The following NKAIN3 variants were observed in gnomAD, a reference collection of about 807,000 sequenced individuals.
NKAIN3 encodes sodium/potassium-transporting ATPase subunit beta-1-interacting protein 3.
In NKAIN3, 25 loss-of-function variants were observed where a neutral mutation model predicts 30.2. That is an observed-to-expected ratio of 0.83 (90% CI 0.60 to 1.16). NKAIN3 has a LOEUF of 1.16. NKAIN3 is among the 50% of genes most tolerant of loss of function. NKAIN3 has a pLI of 0.00. For missense variants in NKAIN3, 225 were observed against 254.1 expected, an observed-to-expected ratio of 0.89 and a Z score of 0.78; for synonymous variants, 91 against 89.6, an observed-to-expected ratio of 1.02 and a Z score of -0.09.
chr8:62,720,074 C>A (rs567634085), intron 3 of NKAIN3, among the ~76,000 whole-genome samples: 2 of 151,526 alleles, frequency 1.3e-5, no homozygotes, highest in East Asian at 3.9e-4. Context: ...CTATCAGATG[C>A]AAGAATTATC....
intron 3 of NKAIN3, among the ~76,000 whole-genome samples, chr8:62,590,997 A>T (rs984647695): frequency 3.9e-5 from 6 of 152,002 alleles, no homozygotes; most frequent in Non-Finnish European, 8.8e-5. Flanking sequence ...AAGTAATTAA[A>T]TTAATGTCTA....
intron 1 of NKAIN3, among the ~76,000 whole-genome samples, chr8:62,374,113 CAAAAAAAAAA>C (rs66521184): frequency 3.1e-5 from 2 of 64,332 alleles, no homozygotes; most frequent in Non-Finnish European, 5.9e-5. Context: ...ACTCCATCTC[CAAAAAAAAAA>C]AAAAAAAAAA....
At chr8:62,741,535 T>C (rs966913113) in intron 3 of NKAIN3, among the ~76,000 whole-genome samples, 4 of 152,228 alleles carry the variant, frequency 2.6e-5, no homozygotes, top group African/African-American at 7.2e-5. Context: ...ATCACCAGAG[T>C]TGAAGAGTCG....
intron 3 of NKAIN3, among the ~76,000 whole-genome samples, chr8:62,674,225 G>A (rs963066481): frequency 3.3e-5 from 5 of 152,100 alleles, no homozygotes; most frequent in Non-Finnish European, 5.9e-5. Flanking sequence ...CAAATAAGTC[G>A]GACTCTTGTG....
intron 1 of NKAIN3, among the ~76,000 whole-genome samples, chr8:62,319,614 T>G (rs1469487909): frequency 1.3e-5 from 2 of 152,232 alleles, no homozygotes; most frequent in Non-Finnish European, 2.9e-5. Context: ...AGGAGCAGGT[T>G]GTTCAGTTTC....
intron 4 of NKAIN3, among the ~76,000 whole-genome samples, chr8:62,897,131 A>G (rs961134816): frequency 2.0e-5 from 3 of 152,190 alleles, no homozygotes; most frequent in African/African-American, 7.2e-5. Context: ...AAGATAATGA[A>G]GGAACACTGC....
At chr8:62,425,513 A>G (rs1037320407) in intron 1 of NKAIN3, among the ~76,000 whole-genome samples, 10 of 151,926 alleles carry the variant, frequency 6.6e-5, no homozygotes, top group Non-Finnish European at 1.2e-4. Flanking sequence ...TTTTGCAAGT[A>G]TGAATAAATA....
At chr8:62,558,403 T>C (rs2129966993) in intron 1 of NKAIN3, among the ~76,000 whole-genome samples, 1 of 152,254 alleles carries the variant, frequency 6.6e-6, no homozygotes, top group Middle Eastern at 3.4e-3. Context: ...TCTTTTTTGG[T>C]TCCATATGAA....
At chr8:62,353,795 T>A (rs1171741968) in intron 1 of NKAIN3, among the ~76,000 whole-genome samples, 2 of 152,332 alleles carry the variant, frequency 1.3e-5, no homozygotes, top group East Asian at 3.9e-4. Flanking sequence ...ATAACTTTTT[T>A]GTGACTAATA....
chr8:62,776,436 G>T (rs1458493378), intron 4 of NKAIN3, among the ~76,000 whole-genome samples: 3 of 151,896 alleles, frequency 2.0e-5, no homozygotes, highest in African/African-American at 7.3e-5. Context: ...TAGTTTGTGT[G>T]CATTTCTATT....
chr8:62,410,290 A>T (rs1051652070), intron 1 of NKAIN3, among the ~76,000 whole-genome samples: 1 of 152,122 alleles, frequency 6.6e-6, no homozygotes, highest in Non-Finnish European at 1.5e-5. Context: ...GACATGATTT[A>T]TTATTTTTTT....
chr8:62,619,083 T>C lies in NKAIN3; in HGVS notation c.273+29289T>C, dbSNP rs532427005. 2.0e-3 allele frequency among the ~76,000 whole-genome samples: 307 copies of C among 152,264 alleles called. 3 individuals carry two copies. Among genetic ancestry groups the C allele is most frequent in the African/African-American group, 7.0e-3 (291 of 41,556 alleles). On this transcript the variant is annotated intron_variant, in intron 3 of 6. Coordinates refer to ENST00000623646, the MANE Select transcript of NKAIN3 (RefSeq NM_001304533.3). ...CCAACTTGGAGAAATCGGATCCTAA[T>C]GTAACCAGTGCAGTGTAACAGGTGA...
chr8:62,543,211 G>A (rs569349936), intron 1 of NKAIN3, among the ~76,000 whole-genome samples: 8 of 152,238 alleles, frequency 5.3e-5, no homozygotes, highest in African/African-American at 1.7e-4. Flanking sequence ...TGGTGTTGCT[G>A]CCTCAGAGTT....
chr8:62,723,098 C>T (rs1191925525), intron 3 of NKAIN3, among the ~76,000 whole-genome samples: 10 of 152,108 alleles, frequency 6.6e-5, no homozygotes, highest in Non-Finnish European at 1.3e-4. Context: ...AACCAATCAG[C>T]TGCCGCATCC....
intron 1 of NKAIN3, among the ~76,000 whole-genome samples, chr8:62,495,649 C>A (rs1296156944): frequency 2.0e-5 from 3 of 151,518 alleles, no homozygotes; most frequent in Admixed American, 6.6e-5. Context: ...ACAGAATAAA[C>A]CTAGAGTATA....
At chr8:62,256,348 G>A (rs529074000) in intron 1 of NKAIN3, among the ~76,000 whole-genome samples, 224 of 152,276 alleles carry the variant, frequency 1.5e-3, no homozygotes, top group African/African-American at 5.2e-3. Flanking sequence ...GAACTCAGGA[G>A]GTGAAGGCTG....
chr8:62,433,213 A>G (rs1416233279), intron 1 of NKAIN3, among the ~76,000 whole-genome samples: 1 of 152,164 alleles, frequency 6.6e-6, no homozygotes, highest in Non-Finnish European at 1.5e-5. Context: ...CTAAATTCCA[A>G]ATCTCAGGTT....
At position 62,965,755 on chromosome 8, in the gene NKAIN3, T is replaced by A; in HGVS notation, c.*348T>A. On this transcript the variant is annotated 3_prime_UTR_variant, in exon 7 of 7. Coordinates refer to ENST00000623646, the MANE Select transcript of NKAIN3 (RefSeq NM_001304533.3). The stretch of plus-strand genomic sequence containing the variant: ...TTCTAAGAGAAATCTCAGTGTGTGC[T>A]GTGGAGATGTTAAGTCAGCACTGCT... 1.0e-6 allele frequency: 1 copy of A among 985,134 alleles called. No homozygotes were observed. The highest frequency in any genetic ancestry group is 1.2e-6 in the Non-Finnish European group (1 of 829,672). The allele number at this position is 985,134 out of a possible 1,614,324, so 61.0% of individuals were successfully genotyped here.
At chr8:62,840,160 A>G (rs1819489228) in intron 4 of NKAIN3, among the ~76,000 whole-genome samples, 1 of 152,086 alleles carries the variant, frequency 6.6e-6, no homozygotes, top group Admixed American at 6.6e-5. Flanking sequence ...GGAGAAACAA[A>G]TATATTTCTG....
Sources: allele counts gnomAD v4.1 joint callset (sites outside exome capture counted in the v4.1 genomes callset), GRCh38; gene constraint gnomAD v4.1.1; transcripts MANE v1.5; gene names NCBI Gene and HGNC (gene_info 2026-07-23, HGNC 2026-07-21).